Variants in HMCN1 observed in about 807,000 individuals in gnomAD.
HMCN1 encodes the protein hemicentin-1.
A neutral mutation model predicts 625.9 loss-of-function variants in HMCN1; 321 were observed. The ratio of observed to expected loss-of-function variants is 0.51; its 90% confidence interval spans 0.47 to 0.56. The LOEUF is 0.56. Ranked by LOEUF, HMCN1 falls within the 20% of genes least tolerant of loss-of-function variation. The probability of loss-of-function intolerance (pLI) is 0.00; values close to 1 mark genes in which losing one functional copy is unlikely to be tolerated. For missense variants in HMCN1, 6,588 were observed against 6,887.3 expected (o/e 0.96, Z 1.54); for synonymous variants, 2,425 against 2,417.6 (o/e 1.00, Z -0.09).
chr1:185,857,618 C>A (rs555438796), intron 2 of HMCN1, among the ~76,000 whole-genome samples: 1 of 152,152 alleles, frequency 6.6e-6, no homozygotes, highest in South Asian at 2.1e-4. Flanking sequence ...GGGGAGTTAG[C>A]TTTATACACT....
chr1:185,902,391 ATCTATCTATCTATC>A (rs1166645100), intron 4 of HMCN1, among the ~76,000 whole-genome samples: 1 of 140,808 alleles, frequency 7.1e-6, no homozygotes, highest in Non-Finnish European at 1.5e-5. Flanking sequence ...CTATCTATCT[ATCTATCTATCTATC>A]TCTATCTATC....
At chr1:186,179,686 G>A (rs1652818185) in intron 104 of HMCN1, among the ~76,000 whole-genome samples, 1 of 152,108 alleles carries the variant, frequency 6.6e-6, no homozygotes, top group Non-Finnish European at 1.5e-5. Flanking sequence ...TCTGGAAAGC[G>A]TTCTACACTT....
At position 186,095,484 on chromosome 1, in the gene HMCN1, T is replaced by C. The variant is rs72720910; in HGVS notation, c.10536T>C (p.Ala3512=). Residue 3512 remains alanine (A), a synonymous_variant, in exon 68 of 107, where the codon GCT becomes GCC. Transcript: ENST00000271588. ...GKYTCIASNE[A]GEVSKHFILK... ...ACACCTGCATTGCCTCAAATGAAGC[T>C]GGAGAAGTCAGCAAGCACTTTATCC... 21,983 of 1,613,620 alleles carry C rather than the reference T, an allele frequency of 0.014. 192 individuals are homozygous for C. Among genetic ancestry groups the C allele is most frequent in the Middle Eastern group, 0.024 (144 of 6,054 alleles).
chr1:185,787,236 CT>C (rs1657680723), intron 1 of HMCN1, among the ~76,000 whole-genome samples: 1 of 150,148 alleles, frequency 6.7e-6, no homozygotes. Context: ...AAATATTTAC[CT>C]TCTGGGATAC....
Position 186,088,754 on chromosome 1 carries a change from A to T in HMCN1, c.9726A>T (p.Gln3242His). The T allele has an allele frequency of 6.2e-7, 1 of 1,605,656 alleles. No individual in the cohort carries two copies. Among genetic ancestry groups the T allele is most frequent in the Non-Finnish European group, 8.5e-7 (1 of 1,174,448 alleles). Reference protein sequence around the residue: ...KAQKYYFLSIQVPPSVAGAEI... With the variant: ...KAQKYYFLSIHVPPSVAGAEI... The stretch of plus-strand genomic sequence containing the variant: ...AGAAATATTACTTTCTTTCAATTCA[A>T]GGTATGTATTGTCCACTATGATCTA... Residue 3242 changes from glutamine (Q) to histidine (H), a missense_variant and splice_region_variant, in exon 63 of 107, where the codon CAA (glutamine) becomes CAT (histidine). By Grantham distance (24) the Gln-to-His change is conservative (BLOSUM62 0). Transcript: ENST00000271588.
intron 104 of HMCN1, among the ~76,000 whole-genome samples, chr1:186,179,718 T>C (rs1652821230): frequency 6.6e-6 from 1 of 152,198 alleles, no homozygotes; most frequent in Non-Finnish European, 1.5e-5. Flanking sequence ...TTAACTATGC[T>C]TTTTGCTAAA....
chr1:185,771,421 A>C (rs756185940), intron 1 of HMCN1, among the ~76,000 whole-genome samples: 1 of 152,208 alleles, frequency 6.6e-6, no homozygotes, highest in Non-Finnish European at 1.5e-5. Flanking sequence ...CTAGGAATGC[A>C]CATATGTAAC....
intron 4 of HMCN1, among the ~76,000 whole-genome samples, chr1:185,895,808 A>G (rs1420452602): frequency 3.9e-5 from 6 of 152,252 alleles, no homozygotes; most frequent in African/African-American, 1.4e-4. Context: ...GTCATTGGGT[A>G]AAGAATACAC....
At chr1:186,110,907 G>A (rs1440581349) in intron 71 of HMCN1, among the ~76,000 whole-genome samples, 1 of 149,796 alleles carries the variant, frequency 6.7e-6, no homozygotes, top group African/African-American at 2.5e-5. Context: ...TAAGAATGAG[G>A]TTCTATCAGG....
At position 185,989,547 on chromosome 1, in the gene HMCN1, G is replaced by T; in HGVS notation, c.3108G>T (p.Leu1036=). Residue 1036 remains leucine (L), a synonymous_variant, in exon 21 of 107, where the codon CTG becomes CTT. Coordinates refer to ENST00000271588, the MANE Select transcript of HMCN1 (RefSeq NM_031935.3). ...AKFSAGADGS[L]YVVSPGGEES... The stretch of plus-strand genomic sequence containing the variant: ...TTTCAGCAGGAGCTGATGGTAGTCT[G>T]TATGTGGTATCACCTGGAGGAGAGG... The T allele has an allele frequency of 2.5e-6, 4 of 1,614,060 alleles. No individual in the cohort carries two copies. Among genetic ancestry groups the T allele is most frequent in the Non-Finnish European group, 3.4e-6 (4 of 1,179,938 alleles).
At chr1:185,790,076 C>T (rs544291267) in intron 1 of HMCN1, among the ~76,000 whole-genome samples, 2 of 152,340 alleles carry the variant, frequency 1.3e-5, no homozygotes, top group East Asian at 3.9e-4. Context: ...GTGAAACACA[C>T]AGACACACAC....
At chr1:186,100,384 A>G (rs920750480) in intron 68 of HMCN1, among the ~76,000 whole-genome samples, 7 of 152,100 alleles carry the variant, frequency 4.6e-5, no homozygotes, top group Admixed American at 4.6e-4. Flanking sequence ...AATATTCTTT[A>G]TTTAATTCTA....
chr1:185,903,755 A>T (rs1182630264), intron 4 of HMCN1, among the ~76,000 whole-genome samples: 1 of 151,802 alleles, frequency 6.6e-6, no homozygotes, highest in Non-Finnish European at 1.5e-5. Context: ...CATCCTCAGG[A>T]ATAGACTTGA....
Position 186,082,926 on chromosome 1 carries a change from G to T in HMCN1, c.8849G>T (p.Gly2950Val). The T allele has an allele frequency of 6.3e-7, 1 of 1,592,662 alleles. No homozygotes were observed. The highest frequency in any genetic ancestry group is 8.6e-7 in the Non-Finnish European group (1 of 1,167,996). Residue 2950 changes from glycine to valine, a missense_variant, in exon 57 of 107, where the codon GGG becomes GTG. Coordinates refer to ENST00000271588, the MANE Select transcript of HMCN1 (RefSeq NM_031935.3). ...GTGTGTGTTGCTGAGAACACAGCTGGGAGTGCCAAAAAATATTTTAACCTC... is the reference window on the plus strand; with the variant it reads ...GTGTGTGTTGCTGAGAACACAGCTGTGAGTGCCAAAAAATATTTTAACCTC... The part of the protein sequence containing the change: ...RYVCVAENTA[G>V]SAKKYFNLNV...
chr1:186,143,543 T>C (rs1650102993), intron 89 of HMCN1, among the ~76,000 whole-genome samples: 2 of 152,220 alleles, frequency 1.3e-5, no homozygotes, highest in South Asian at 4.1e-4. Flanking sequence ...ACTAGTCAGC[T>C]TTTTATGTTG....
At chr1:185,802,995 C>T (rs1043321352) in intron 1 of HMCN1, among the ~76,000 whole-genome samples, 1 of 151,730 alleles carries the variant, frequency 6.6e-6, no homozygotes, top group Non-Finnish European at 1.5e-5. Context: ...AGAGATAGAA[C>T]TTTCCAGAAA....
intron 11 of HMCN1, among the ~76,000 whole-genome samples, chr1:185,937,894 T>G (rs978933446): frequency 1.4e-5 from 2 of 144,988 alleles, no homozygotes; most frequent in African/African-American, 5.1e-5. Context: ...ATAATAATAA[T>G]AATAATAATA....
Position 186,128,264 on chromosome 1 carries a change from T to A in HMCN1, c.12877T>A (p.Trp4293Arg), listed in dbSNP as rs1212884272. ...TGGTATTCCATTGCCCAAATTAACATGGACCTTCAATAACAATATTATTCC... is the reference window on the plus strand; with the variant it reads ...TGGTATTCCATTGCCCAAATTAACAAGGACCTTCAATAACAATATTATTCC... The part of the protein sequence containing the change: ...ATGIPLPKLT[W>R]TFNNNIIPAH... Residue 4293 changes from tryptophan to arginine, a missense_variant, in exon 83 of 107, where the codon TGG (tryptophan) becomes AGG (arginine). Transcript: ENST00000271588. 1 of 1,613,280 alleles carries A rather than the reference T, an allele frequency of 6.2e-7. No individual in the cohort carries two copies. The highest frequency in any genetic ancestry group is 1.7e-4 in the Middle Eastern group (1 of 6,054).
In HMCN1 at chr1:186,190,869, ACT is replaced by A. The variant is rs1653688204; in HGVS notation, c.*994_*995del. On this transcript the variant is annotated 3_prime_UTR_variant, in exon 107 of 107. Coordinates refer to ENST00000271588, the MANE Select transcript of HMCN1 (RefSeq NM_031935.3). ...CATTTTCTATATAATATCTTGATGG[ACT>A]CTTTTATAAAATTATTTTATAAAAA... is the stretch of plus-strand genomic sequence containing the variant. 1.6e-5 allele frequency: 3 copies of A among 186,496 alleles called. No individual in the cohort carries two copies. In the South Asian group the frequency reaches 5.8e-4, roughly 36 times the overall value. The allele number at this position is 186,496 out of a possible 1,614,324, so 11.6% of individuals were successfully genotyped here.
Sources: gnomAD v4.1 joint callset for allele counts (sites outside exome capture counted in the v4.1 genomes callset) on GRCh38, gnomAD v4.1.1 for gene constraint, MANE v1.5 for transcripts, NCBI Gene and HGNC (gene_info 2026-07-23, HGNC 2026-07-21) for gene names.